MUC4: variants seen among roughly 807,000 people sequenced by gnomAD.
The protein encoded by MUC4 is mucin 4, cell surface associated.
MUC4 carries 202 observed loss-of-function variants against 257.9 expected under a neutral mutation model. The ratio of observed to expected loss-of-function variants is 0.78; its 90% CI spans 0.70 to 0.88. MUC4 has a LOEUF of 0.88. Ranked by LOEUF, MUC4 falls within the 40% of genes least tolerant of loss-of-function variation. The pLI is 0.00. For missense variants in MUC4, 5,976 were observed against 6,513.7 expected (o/e 0.92, Z 2.84); for synonymous variants, 2,351 against 2,757.1 (o/e 0.85, Z 4.62).
chr3:195,761,938 C>G (rs1231943240), intron 14 of MUC4, 149 bp downstream of exon 14: 6 of 988,750 alleles, frequency 6.1e-6, no homozygotes, highest in Non-Finnish European at 8.7e-6. Flanking sequence ...AGAAGCCCCT[C>G]GGCTCCCGGC....
At chr3:195,767,835 C>CCCCCAA (rs1721719988) in intron 7 of MUC4, among the ~76,000 whole-genome samples, 2 of 114,768 alleles carry the variant, frequency 1.7e-5, no homozygotes. Context: ...ACCACCATCA[C>CCCCCAA]CACCACCACC....
chr3:195,810,082 G>A lies in MUC4; in HGVS notation c.82+1654C>T, dbSNP rs564491747. ...GGCCTCCACGTCCTCACGGTGGGATGAGCACTGGAGCGGGGTTGTGTGGCC... is the reference window on the plus strand; with the variant it reads ...GGCCTCCACGTCCTCACGGTGGGATAAGCACTGGAGCGGGGTTGTGTGGCC... On this transcript the variant is annotated intron_variant, in intron 1 of 24. Coordinates refer to ENST00000463781, the MANE Select transcript of MUC4 (RefSeq NM_018406.7). The surrounding 1 kb of genome is among the most constrained non-coding windows in gnomAD (Gnocchi z 4.2). The A allele has an allele frequency of 3.3e-5, 5 of 152,286 alleles. No homozygotes were observed. In the East Asian group the frequency reaches 5.8e-4, roughly 18 times the overall value. The allele number at this position is 152,286 out of a possible 1,614,324, so 9.4% of individuals were successfully genotyped here.
At position 195,786,630 on chromosome 3, in the gene MUC4, A is replaced by G; in HGVS notation, c.4950T>C (p.His1650=). The stretch of plus-strand genomic sequence containing the variant: ...TGGATGCTGAGGAAGGGCTGGTGAC[A>G]TGAAGAGGGGTGGCGTGACCTGTGG... ...SLSTGHATPL[H]VTSPSSASTG... is the part of the protein sequence containing the mutation. Residue 1650 remains histidine (H), a synonymous_variant, in exon 2 of 25, where the codon CAT becomes CAC. Transcript: ENST00000463781. The G allele has an allele frequency of 6.6e-7, 1 of 1,525,044 alleles. No homozygotes were observed. The highest frequency in any genetic ancestry group is 8.8e-7 in the Non-Finnish European group (1 of 1,132,582). The allele number at this position is 1,525,044 out of a possible 1,614,324, so 94.5% of individuals were successfully genotyped here.
At chr3:195,776,775 C>T (rs1553865573) in intron 3 of MUC4, among the ~76,000 whole-genome samples, 33 of 105,402 alleles carry the variant, frequency 3.1e-4, no homozygotes, top group South Asian at 9.2e-4. Flanking sequence ...CCTTCCACAC[C>T]CATACCTTCC....
At chr3:195,774,901 C>CAAAAAAAAAAAAAAAA (rs10666795) in intron 3 of MUC4, among the ~76,000 whole-genome samples, 1 of 118,560 alleles carries the variant, frequency 8.4e-6, no homozygotes. Context: ...AACTCCATCT[C>CAAAAAAAAAAAAAAAA]AAAAAAAAAA....
chr3:195,754,521 A>C, intron 18 of MUC4, 149 bp from the exon 19 acceptor site: 1 of 1,110,888 alleles, frequency 9.0e-7, no homozygotes, highest in East Asian at 2.7e-5. Context: ...CTTCTTGACC[A>C]GGCCGTGGGG....
chr3:195,753,878 T>TGAAGTC (rs1359416349), intron 19 of MUC4: 5 of 302,512 alleles, frequency 1.7e-5, no homozygotes, highest in Non-Finnish European at 2.4e-5. Flanking sequence ...TGGCGGCTGC[T>TGAAGTC]GAAGTCTCCT....
rs1475553366 is a variant in MUC4, at chr3:195,790,015, G to A, written c.1565C>T (p.Ser522Phe). The change falls in exon 2 of 25, where the codon TCT (serine) becomes TTT (phenylalanine). Residue 522 changes from serine (S) to phenylalanine (F), a missense_variant. Physicochemically the swap from Ser to Phe is radical, Grantham distance 155. Transcript: ENST00000463781. The stretch of plus-strand genomic sequence containing the variant: ...TGGAATAGTGCCAGCTGTCCCTGTA[G>A]ATGGATTTCCTGTGACAAGCCTAGT... Reference protein sequence around the residue: ...AATRLVTGNPSTGTAGTIPRV... With the variant: ...AATRLVTGNPFTGTAGTIPRV... 3 of 1,613,918 alleles carry A rather than the reference G, an allele frequency of 1.9e-6. No individual in the cohort carries two copies. In the Admixed American group the frequency reaches 5.0e-5, roughly 27 times the overall value.
At chr3:195,803,789 G>T (rs3096340) in intron 1 of MUC4, among the ~76,000 whole-genome samples, 66,849 of 151,768 alleles carry the variant, frequency 0.44, 15,910 homozygotes, top group East Asian at 0.75. Context: ...GCTGCGAGCT[G>T]CTCAGCTCTG....
At chr3:195,748,864 A>G (rs746919446) in intron 24 of MUC4, 38 bp downstream of exon 24, 5 of 1,519,400 alleles carry the variant, frequency 3.3e-6, no homozygotes, top group Middle Eastern at 2.4e-4. Context: ...TGGGTTCCCC[A>G]GCACTGTCCT....
Position 195,766,700 on chromosome 3 carries a change from C to T in MUC4, c.13581G>A (p.Glu4527=). The part of the protein sequence containing the change: ...NSPLMSQPVW[E]RYRPDRFLNS... ...TCAGGAATCTATCAGGGCGATACCT[C>T]TCCCACACTGGCTGGGACATCAGTG... is the stretch of plus-strand genomic sequence containing the variant. The change falls in exon 8 of 25, where the codon GAG becomes GAA. Residue 4527 remains glutamate (E), a synonymous_variant. Coordinates refer to ENST00000463781, the MANE Select transcript of MUC4 (RefSeq NM_018406.7). 1 of 1,614,178 alleles carries T rather than the reference C, an allele frequency of 6.2e-7. No homozygotes were observed. Among genetic ancestry groups the T allele is most frequent in the Non-Finnish European group, 8.5e-7 (1 of 1,180,026 alleles).
chr3:195,788,853 C>A lies in MUC4; in HGVS notation c.2727G>T (p.Gln909His), dbSNP rs1733440533. 1 of 1,613,744 alleles carries A rather than the reference C, an allele frequency of 6.2e-7. No homozygotes were observed. The highest frequency in any genetic ancestry group is 1.3e-5 in the African/African-American group (1 of 74,886). The part of the protein sequence containing the change: ...QETAAISRMA[Q>H]TQRTRTSRGS... ...CTCTGCTGGTTCTTGTCCTCTGAGT[C>A]TGGGCCATCCGGGAAATGGCGGCTG... The change falls in exon 2 of 25, where the codon CAG becomes CAT. Residue 909 changes from glutamine (Q) to histidine (H), a missense_variant. Around this residue, in one of 44 missense-constraint regions of MUC4, gnomAD observed 1,583 missense variants for 1,257.4 expected, o/e 1.26. Coordinates refer to ENST00000463781, the MANE Select transcript of MUC4 (RefSeq NM_018406.7).
In MUC4 at chr3:195,783,877, G is replaced by A. The variant is rs1490072222; in HGVS notation, c.7703C>T (p.Ala2568Val). The change falls in exon 2 of 25, where the codon GCA (alanine) becomes GTA (valine). Residue 2568 changes from alanine to valine, a missense_variant. Ala to Val is a moderately conservative substitution (Grantham distance 64). Transcript: ENST00000463781. ...AGGGGTGGCGTGACCTGTGGATGCT[G>A]CGGAAGTGTCGGTGACAGGAAGAGA... ...ATSLPVTDTSAASTGHATPLP... is the reference protein window; with the variant it reads ...ATSLPVTDTSVASTGHATPLP... 1.3e-5 allele frequency: 19 copies of A among 1,504,974 alleles called. No homozygotes were observed. The highest frequency in any genetic ancestry group is 3.1e-5 in the African/African-American group (2 of 63,882). 93.2% of individuals were successfully genotyped at this position (1,504,974 alleles called of 1,614,324 possible). A position where few individuals can be genotyped will look rare whatever the true frequency, so the allele number is the denominator to read the frequency against.
intron 19 of MUC4, chr3:195,753,509 C>T (rs1162459473): frequency 1.2e-5 from 6 of 503,170 alleles, no homozygotes; most frequent in Middle Eastern, 4.9e-4. Flanking sequence ...GAGGAGGGGC[C>T]CCCAGCTGGC....
chr3:195,774,575 A>G (rs1037637873), intron 3 of MUC4, among the ~76,000 whole-genome samples: 1 of 152,162 alleles, frequency 6.6e-6, no homozygotes, highest in African/African-American at 2.4e-5. Flanking sequence ...ACGATTCTCA[A>G]TCTCTTAGTC....
chr3:195,776,788 A>G (rs1186073399), intron 3 of MUC4, among the ~76,000 whole-genome samples: 3 of 98,710 alleles, frequency 3.0e-5, no homozygotes, highest in Admixed American at 9.5e-5. Flanking sequence ...TACCTTCCAC[A>G]CCCATACCTT....
At chr3:195,794,540 T>A (rs1734325868) in intron 1 of MUC4, among the ~76,000 whole-genome samples, 1 of 152,130 alleles carries the variant, frequency 6.6e-6, no homozygotes. Flanking sequence ...TTTTTTTATT[T>A]CTGTAGAGGT....
In MUC4 at chr3:195,788,627, C is replaced by T. The variant is rs746086662; in HGVS notation, c.2953G>A (p.Ala985Thr). ...TPLPVTYASS[A>T]STGHTTPLHV... is the part of the protein sequence containing the mutation. ...AGAGGGGTGGTGTGACCTGTGGATG[C>T]CGAGGAAGCGTAGGTGACAGGAAGA... Residue 985 changes from alanine to threonine, a missense_variant, in exon 2 of 25, where the codon GCA (alanine) becomes ACA (threonine). This residue lies in a region of MUC4 where 1,583 missense variants were observed against 1,257.4 expected (regional missense o/e 1.26). Coordinates refer to ENST00000463781, the MANE Select transcript of MUC4 (RefSeq NM_018406.7). 2 of 1,600,604 alleles carry T rather than the reference C, an allele frequency of 1.2e-6. No individual in the cohort carries two copies. The highest frequency in any genetic ancestry group is 1.7e-5 in the Admixed American group (1 of 57,230).
intron 3 of MUC4, among the ~76,000 whole-genome samples, chr3:195,775,006 G>A (rs1724026692): frequency 6.6e-6 from 1 of 151,840 alleles, no homozygotes; most frequent in Admixed American, 6.6e-5. Context: ...CCTTTCTCCA[G>A]ATAAACTTGA....
Sources: allele counts gnomAD v4.1 joint callset (sites outside exome capture counted in the v4.1 genomes callset), GRCh38; gene constraint gnomAD v4.1.1; regional missense constraint gnomAD v4.1.1; non-coding constraint Gnocchi (gnomAD v3.1); transcripts MANE v1.5; gene names NCBI Gene and HGNC (gene_info 2026-07-23, HGNC 2026-07-21).